The following AQP8 variants were observed in gnomAD, a reference collection of about 807,000 sequenced individuals.
AQP8 encodes the protein aquaporin 8, also known as aquaporin-8.
Under a neutral mutation model 26.1 loss-of-function variants are expected in AQP8, and 14 were observed. That is an observed-to-expected ratio of 0.54 (90% confidence interval 0.35 to 0.84). The LOEUF (loss-of-function observed/expected upper bound fraction) is 0.84. Among genes scored for constraint, AQP8 ranks in the 40% least tolerant of loss-of-function variants. AQP8 has a pLI of 0.01. For missense variants in AQP8, 301 were observed against 340.5 expected, an observed-to-expected ratio of 0.88 and a Z score of 0.91; for synonymous variants, 131 against 150.7, an observed-to-expected ratio of 0.87 and a Z score of 0.96.
chr16:25,218,715 A>C (rs1239506995), intron 2 of AQP8, among the ~76,000 whole-genome samples: 1 of 152,020 alleles, frequency 6.6e-6, no homozygotes, highest in Non-Finnish European at 1.5e-5. Flanking sequence ...CCCTGTCTCT[A>C]CTAAAGATAC....
At chr16:25,219,723 G>T (rs1962532329) in intron 2 of AQP8, among the ~76,000 whole-genome samples, 2 of 151,444 alleles carry the variant, frequency 1.3e-5, no homozygotes, top group South Asian at 4.1e-4. Flanking sequence ...TGGAGTCTGA[G>T]CACTGGCTGG....
Position 25,216,985 on chromosome 16 carries a change from A to T in AQP8, c.-61A>T, listed in dbSNP as rs1173224864. On this transcript the variant is annotated 5_prime_UTR_variant, in exon 1 of 6. Coordinates refer to ENST00000219660, the MANE Select transcript of AQP8 (RefSeq NM_001169.3). Reference sequence around the variant, plus strand: ...CCTAGGAGATAAGAGTATCTTGCACAGCAGGTGCAGGTTTCCCAGCAGCTC... The same window carrying T: ...CCTAGGAGATAAGAGTATCTTGCACTGCAGGTGCAGGTTTCCCAGCAGCTC... The T allele has an allele frequency of 6.2e-7, 1 of 1,611,046 alleles. No individual in the cohort carries two copies. The highest frequency in any genetic ancestry group is 8.5e-7 in the Non-Finnish European group (1 of 1,178,508).
Position 25,227,170 on chromosome 16 carries a change from C to T in AQP8, c.705C>T (p.Leu235=). ...NFHWIYWLGP[L]LAGLLVGLLI... ...ACTGGATCTACTGGCTGGGCCCACT[C>T]CTGGCTGGCCTGCTTGTTGGACTGC... Residue 235 remains leucine (L), a synonymous_variant, in exon 5 of 6, where the codon CTC becomes CTT. Transcript: ENST00000219660. The T allele has an allele frequency of 1.2e-6, 2 of 1,614,108 alleles. No individual in the cohort carries two copies. The highest frequency in any genetic ancestry group is 1.7e-6 in the Non-Finnish European group (2 of 1,180,016).
chr16:25,221,531 C>T lies in AQP8; in HGVS notation c.335C>T (p.Pro112Leu), dbSNP rs555280665. The T allele has an allele frequency of 4.8e-5, 78 of 1,614,140 alleles. No individual in the cohort carries two copies. Among genetic ancestry groups the T allele is most frequent in the South Asian group, 3.6e-4 (33 of 91,086 alleles). The stretch of plus-strand genomic sequence containing the variant: ...GGCCTCAACCTGGTGATGCTCCTCC[C>T]GTACTGGGTCTCACAGCTGCTCGGG... ...IGGLNLVMLL[P>L]YWVSQLLGGM... The change falls in exon 3 of 6, where the codon CCG (proline) becomes CTG (leucine). Residue 112 changes from proline (P) to leucine (L), a missense_variant. Pro to Leu is a moderately conservative substitution (Grantham distance 98). Transcript: ENST00000219660.
intron 1 of AQP8, 24 bp from the exon 2 acceptor site, chr16:25,217,174 T>C (rs1248781099): frequency 6.2e-6 from 10 of 1,613,894 alleles, no homozygotes; most frequent in Middle Eastern, 1.6e-4. Flanking sequence ...ACCCGTGTCC[T>C]CTGTCCCTTT....
At chr16:25,218,451 C>T (rs1464704243) in intron 2 of AQP8, among the ~76,000 whole-genome samples, 3 of 152,092 alleles carry the variant, frequency 2.0e-5, no homozygotes, top group East Asian at 1.9e-4. Flanking sequence ...GCCATCACGA[C>T]GAAGATCTTG....
intron 2 of AQP8, among the ~76,000 whole-genome samples, chr16:25,218,105 G>A (rs1166646015): frequency 6.6e-6 from 1 of 152,210 alleles, no homozygotes; most frequent in African/African-American, 2.4e-5. Flanking sequence ...AGAACAAGCT[G>A]TCTGGCTCCA....
chr16:25,220,618 G>A (rs73551022), intron 2 of AQP8, among the ~76,000 whole-genome samples: 5,809 of 152,182 alleles, frequency 0.038, 145 homozygotes, highest in African/African-American at 0.061. Context: ...ACTCCACCCC[G>A]TGATTCTCAA....
chr16:25,220,688 A>G (rs1962549992), intron 2 of AQP8, among the ~76,000 whole-genome samples: 1 of 152,162 alleles, frequency 6.6e-6, no homozygotes. Flanking sequence ...TTCAGACCAC[A>G]AGTAGGGTTT....
Position 25,217,227 on chromosome 16 carries a change from T to A in AQP8, c.42T>A (p.Asn14Lys). 6.2e-7 allele frequency: 1 copy of A among 1,614,222 alleles called. No homozygotes were observed. Among genetic ancestry groups the A allele is most frequent in the Non-Finnish European group, 8.5e-7 (1 of 1,180,040 alleles). The change falls in exon 2 of 6, where the codon AAT becomes AAA. Residue 14 changes from asparagine (N) to lysine (K), a missense_variant. Coordinates refer to ENST00000219660, the MANE Select transcript of AQP8 (RefSeq NM_001169.3). Reference protein sequence around the residue: ...EIAMCEPEFGNDKAREPSVGG... With the variant: ...EIAMCEPEFGKDKAREPSVGG... Reference sequence around the variant, plus strand: ...CCATGTGTGAGCCTGAATTTGGCAATGACAAGGCCAGGGAGCCGAGCGTGG... The same window carrying A: ...CCATGTGTGAGCCTGAATTTGGCAAAGACAAGGCCAGGGAGCCGAGCGTGG...
chr16:25,217,675 C>A (rs150393871), intron 2 of AQP8, among the ~76,000 whole-genome samples: 1 of 152,192 alleles, frequency 6.6e-6, no homozygotes, highest in African/African-American at 2.4e-5. Context: ...CACAGGCATG[C>A]GCCGCAGCAC....
intron 3 of AQP8, among the ~76,000 whole-genome samples, chr16:25,222,213 G>A (rs1382813667): frequency 6.6e-6 from 1 of 152,144 alleles, no homozygotes; most frequent in Non-Finnish European, 1.5e-5. Flanking sequence ...CTACAGGTGT[G>A]TGTCACCACA....
chr16:25,227,240 G>C, intron 5 of AQP8, 38 bp downstream of exon 5: 1 of 1,612,560 alleles, frequency 6.2e-7, no homozygotes, highest in Non-Finnish European at 8.5e-7. Flanking sequence ...CCATTGGATG[G>C]GCACTTGGCA....
chr16:25,228,537 A>T lies in AQP8; in HGVS notation c.*45A>T. 1 of 1,603,980 alleles carries T rather than the reference A, an allele frequency of 6.2e-7. No homozygotes were observed. ...CTGCTGCTCCAGGTGTCCTCAGCTC[A>T]CCTGTCCCAGACTGAGGACAGGGGA... On this transcript the variant is annotated 3_prime_UTR_variant, in exon 6 of 6. Transcript: ENST00000219660.
At position 25,221,557 on chromosome 16, in the gene AQP8, G is replaced by T; in HGVS notation, c.361G>T (p.Gly121Trp). Residue 121 changes from glycine to tryptophan, a missense_variant, in exon 3 of 6, where the codon GGG (glycine) becomes TGG (tryptophan). Transcript: ENST00000219660. ...LPYWVSQLLG[G>W]MLGAALAKAV... ...GTACTGGGTCTCACAGCTGCTCGGG[G>T]GGATGCTCGGGGCTGCCTTGGCCAA... 6.2e-7 allele frequency: 1 copy of T among 1,614,146 alleles called. No homozygotes were observed. The highest frequency in any genetic ancestry group is 8.5e-7 in the Non-Finnish European group (1 of 1,180,026).
At chr16:25,227,777 C>T (rs1052070491) in intron 5 of AQP8, among the ~76,000 whole-genome samples, 2 of 151,956 alleles carry the variant, frequency 1.3e-5, no homozygotes, top group African/African-American at 2.4e-5. Context: ...CATGAGCCAC[C>T]GCGCCCAGCC....
intron 2 of AQP8, among the ~76,000 whole-genome samples, chr16:25,217,706 G>A (rs1365059199): frequency 1.3e-5 from 2 of 152,176 alleles, no homozygotes; most frequent in Non-Finnish European, 2.9e-5. Flanking sequence ...TTTAAATTTT[G>A]TTGTAGAGAT....
intron 2 of AQP8, 118 bp from the exon 3 acceptor site, chr16:25,221,339 C>G: frequency 7.8e-7 from 1 of 1,284,620 alleles, no homozygotes. Context: ...AGCTGGGCCC[C>G]GGACTGACTC....
At chr16:25,220,191 C>CT (rs1251118790) in intron 2 of AQP8, among the ~76,000 whole-genome samples, 2 of 152,290 alleles carry the variant, frequency 1.3e-5, no homozygotes, top group Non-Finnish European at 2.9e-5. Context: ...CTGAGGTCCT[C>CT]TGCCCAGTCT....
Sources: allele counts gnomAD v4.1 joint callset (sites outside exome capture counted in the v4.1 genomes callset), GRCh38; gene constraint gnomAD v4.1.1; transcripts MANE v1.5; gene names NCBI Gene and HGNC (gene_info 2026-07-23, HGNC 2026-07-21).